The following ATP8A1 variants were observed in gnomAD, a reference collection of about 807,000 sequenced individuals.
ATP8A1 encodes the protein phospholipid-transporting ATPase IA.
Under a neutral mutation model 177.7 loss-of-function variants are expected in ATP8A1, and 90 were observed. The observed-to-expected ratio is 0.51, with a 90% CI of 0.43 to 0.60. ATP8A1 has a LOEUF of 0.60. Among genes scored for constraint, ATP8A1 ranks in the 20% least tolerant of loss-of-function variants. The pLI, the probability that ATP8A1 is intolerant of heterozygous loss-of-function variation, is 0.00. For missense variants in ATP8A1, 1,072 were observed against 1,392.8 expected, an observed-to-expected ratio of 0.77 and a Z score of 3.67; for synonymous variants, 493 against 485.9, an observed-to-expected ratio of 1.01 and a Z score of -0.19.
chr4:42,632,935 A>G (rs191839854), intron 1 of ATP8A1, among the ~76,000 whole-genome samples: 4 of 152,346 alleles, frequency 2.6e-5, no homozygotes, highest in East Asian at 1.9e-4. Context: ...TGTGAAATTA[A>G]TATCTGCTGA....
At chr4:42,423,393 C>A (rs1053867127) in intron 34 of ATP8A1, among the ~76,000 whole-genome samples, 7 of 152,116 alleles carry the variant, frequency 4.6e-5, no homozygotes, top group African/African-American at 1.7e-4. Context: ...TTCTCCAGTG[C>A]CATTTACTTT....
intron 6 of ATP8A1, among the ~76,000 whole-genome samples, chr4:42,591,452 C>T (rs1258983766): frequency 6.6e-6 from 1 of 152,050 alleles, no homozygotes; most frequent in African/African-American, 2.4e-5. Flanking sequence ...AAGAAGTCAG[C>T]TTTGCATTAT....
At chr4:42,443,285 TG>T (rs1224877541) in intron 33 of ATP8A1, among the ~76,000 whole-genome samples, 2 of 152,232 alleles carry the variant, frequency 1.3e-5, no homozygotes, top group Non-Finnish European at 2.9e-5. Flanking sequence ...ATCTTCTATA[TG>T]GATATTCTTA....
intron 1 of ATP8A1, among the ~76,000 whole-genome samples, chr4:42,639,704 G>C (rs963596402): frequency 6.6e-6 from 1 of 152,304 alleles, no homozygotes; most frequent in African/African-American, 2.4e-5. Flanking sequence ...AAATAGTTAA[G>C]TGAACTGTTA....
In ATP8A1 at chr4:42,543,995, A is replaced by AAT. The variant is rs777116586; in HGVS notation, c.1653-10_1653-9insAT. 6.2e-7 allele frequency: 1 copy of AAT among 1,612,386 alleles called. No individual in the cohort carries two copies. Among genetic ancestry groups the AAT allele is most frequent in the Non-Finnish European group, 8.5e-7 (1 of 1,178,960 alleles). On this transcript the variant is annotated splice_polypyrimidine_tract_variant and intron_variant, in intron 19 of 36. Coordinates refer to ENST00000381668, the MANE Select transcript of ATP8A1 (RefSeq NM_006095.2). ...ACATTCTTTTCCTAGCACTGAAAGA[A>AAT]AGAGGTTTTGCATAATGTGTCATCA...
chr4:42,545,234 C>T (rs1229722316), intron 19 of ATP8A1, among the ~76,000 whole-genome samples: 1 of 152,036 alleles, frequency 6.6e-6, no homozygotes, highest in Admixed American at 6.6e-5. Context: ...ATTACTACCC[C>T]AGTCTCTATC....
intron 20 of ATP8A1, among the ~76,000 whole-genome samples, chr4:42,531,642 T>C (rs1189978737): frequency 6.6e-6 from 1 of 152,210 alleles, no homozygotes; most frequent in Non-Finnish European, 1.5e-5. Context: ...TCTTTGCTGA[T>C]GACATATCTT....
chr4:42,575,831 T>G, intron 12 of ATP8A1, 132 bp from the exon 13 acceptor site: 1 of 713,292 alleles, frequency 1.4e-6, no homozygotes, highest in Non-Finnish European at 2.4e-6. Context: ...GGCACTAATT[T>G]CCTGTTATTC....
intron 24 of ATP8A1, among the ~76,000 whole-genome samples, chr4:42,497,846 G>T (rs889864321): frequency 5.3e-5 from 8 of 152,228 alleles, no homozygotes; most frequent in South Asian, 2.1e-4. Context: ...TAACAAAGTT[G>T]GCTTTCTTTA....
chr4:42,567,622 GTAAC>G (rs1203363691), intron 15 of ATP8A1, among the ~76,000 whole-genome samples: 2 of 152,170 alleles, frequency 1.3e-5, no homozygotes, highest in African/African-American at 4.8e-5. Context: ...AAGCTTATAT[GTAAC>G]TATAAGTGGA....
intron 5 of ATP8A1, among the ~76,000 whole-genome samples, chr4:42,607,893 G>A (rs1021780400): frequency 2.6e-5 from 4 of 152,172 alleles, no homozygotes; most frequent in Non-Finnish European, 4.4e-5. Context: ...GTAGGAATAA[G>A]TTACGACAGG....
chr4:42,561,609 G>A (rs999974129), intron 15 of ATP8A1: 4 of 152,228 alleles, frequency 2.6e-5, no homozygotes, highest in African/African-American at 9.6e-5. Context: ...TCATGAATTG[G>A]ATGAGGTCTG....
chr4:42,431,927 T>C (rs1298750580), intron 33 of ATP8A1, among the ~76,000 whole-genome samples: 1 of 152,238 alleles, frequency 6.6e-6, no homozygotes, highest in African/African-American at 2.4e-5. Context: ...GCTTCAAGTT[T>C]GCAGGTATTG....
intron 25 of ATP8A1, among the ~76,000 whole-genome samples, chr4:42,480,667 AT>A (rs2153188052): frequency 6.6e-6 from 1 of 152,326 alleles, no homozygotes; most frequent in South Asian, 2.1e-4. Context: ...CACTCATGCT[AT>A]GACAGCAAAT....
At chr4:42,655,406 T>C (rs2575441) in intron 1 of ATP8A1, among the ~76,000 whole-genome samples, 53,617 of 152,078 alleles carry the variant, frequency 0.35, 10,303 homozygotes, top group African/African-American at 0.51. Flanking sequence ...TCTCTTCCCC[T>C]TATTTCCCAC....
At chr4:42,467,630 T>C (rs906919997) in intron 25 of ATP8A1, among the ~76,000 whole-genome samples, 3 of 151,984 alleles carry the variant, frequency 2.0e-5, no homozygotes, top group Non-Finnish European at 2.9e-5. Context: ...GAAGTGGAGG[T>C]TGCAGTGAGC....
At chr4:42,419,164 A>ACAATCCTTTCTCCTACTCAG (rs1219689220) in intron 35 of ATP8A1, among the ~76,000 whole-genome samples, 1 of 152,228 alleles carries the variant, frequency 6.6e-6, no homozygotes, top group African/African-American at 2.4e-5. Context: ...CATCAATTCA[A>ACAATCCTTTCTCCTACTCAG]CAATCCTTTC....
At chr4:42,581,844 AT>A (rs1224627374) in intron 9 of ATP8A1, 112 bp from the exon 10 acceptor site, 1 of 755,648 alleles carries the variant, frequency 1.3e-6, no homozygotes, top group African/African-American at 1.8e-5. Flanking sequence ...TCTCATATTT[AT>A]TTCTGGAAAG....
intron 8 of ATP8A1, 102 bp from the exon 9 acceptor site, chr4:42,586,578 C>T (rs1215082143): frequency 1.7e-6 from 2 of 1,152,378 alleles, no homozygotes; most frequent in Admixed American, 2.5e-5. Context: ...TCTAAAAGAT[C>T]CCATTATTTT....
Sources: gnomAD v4.1 joint callset for allele counts (sites outside exome capture counted in the v4.1 genomes callset) on GRCh38, gnomAD v4.1.1 for gene constraint, MANE v1.5 for transcripts, NCBI Gene and HGNC (gene_info 2026-07-23, HGNC 2026-07-21) for gene names.